Variants in CDYL observed in about 807,000 individuals in gnomAD.
CDYL encodes the protein chromodomain Y-like protein.
CDYL carries 8 observed loss-of-function variants against 47.3 expected under a neutral mutation model. That is an observed-to-expected ratio of 0.17 (90% confidence interval 0.10 to 0.31). CDYL has a LOEUF of 0.31. CDYL is among the 10% of genes least tolerant of loss of function. CDYL has a pLI of 1.00. For synonymous variants in CDYL, 266 were observed against 265.0 expected, an observed-to-expected ratio of 1.00 and a Z score of -0.04; for missense variants, 471 against 701.4, an observed-to-expected ratio of 0.67 and a Z score of 3.71.
intron 2 of CDYL, among the ~76,000 whole-genome samples, chr6:4,723,587 A>G (rs1398406918): frequency 6.6e-6 from 1 of 152,120 alleles, no homozygotes; most frequent in Non-Finnish European, 1.5e-5. Context: ...ACCCAGCAGG[A>G]GGCGGCAAGC....
intron 2 of CDYL, among the ~76,000 whole-genome samples, chr6:4,716,118 G>GCAC (rs1561819961): frequency 3.3e-5 from 5 of 151,948 alleles, no homozygotes; most frequent in Non-Finnish European, 7.4e-5. Context: ...GCGTGGTGTG[G>GCAC]GTGCCTGTAG....
chr6:4,779,739 T>C (rs550952999), intron 1 of CDYL, among the ~76,000 whole-genome samples: 15 of 152,340 alleles, frequency 9.8e-5, no homozygotes, highest in African/African-American at 3.4e-4. Flanking sequence ...AAGCGTCCTT[T>C]ACATCACGCT....
At position 4,761,084 on chromosome 6, in the gene CDYL, G is replaced by A. The variant is rs142110530; in HGVS notation, c.186+26240G>A. The stretch of plus-strand genomic sequence containing the variant: ...ACTCTCTTTTATAGAAATGTTCAAA[G>A]TAACTGTGGCAAAATTGTTTTTGCT... On this transcript the variant is annotated intron_variant, in intron 3 of 8. Transcript: ENST00000328908. Among the ~76,000 whole-genome samples, 1,432 of 152,242 alleles carry A rather than the reference G, an allele frequency of 9.4e-3. 12 individuals carry two copies. Among genetic ancestry groups the A allele is most frequent in the Non-Finnish European group, 0.014 (947 of 68,010 alleles).
chr6:4,717,838 G>A (rs1228288635), intron 2 of CDYL, among the ~76,000 whole-genome samples: 2 of 79,532 alleles, frequency 2.5e-5, no homozygotes, highest in South Asian at 7.7e-4. Flanking sequence ...CACCCTGTTA[G>A]ATTTTTTTTT....
chr6:4,769,074 A>C (rs1246222644), intron 3 of CDYL, among the ~76,000 whole-genome samples: 1 of 152,216 alleles, frequency 6.6e-6, no homozygotes, highest in Admixed American at 6.5e-5. Context: ...GAGAAGCGTA[A>C]GGAGACAGGA....
chr6:4,889,088 G>C (rs1194095454), intron 1 of CDYL, among the ~76,000 whole-genome samples: 1 of 152,154 alleles, frequency 6.6e-6, no homozygotes. Flanking sequence ...TGTCAGACTT[G>C]CATAATGTTT....
chr6:4,826,127 T>G (rs1759975429), intron 1 of CDYL, among the ~76,000 whole-genome samples: 1 of 152,238 alleles, frequency 6.6e-6, no homozygotes, highest in Admixed American at 6.5e-5. Flanking sequence ...GATCAGTTGT[T>G]TGTAGGATTA....
chr6:4,717,123 A>C (rs1757279635), intron 2 of CDYL, among the ~76,000 whole-genome samples: 1 of 152,110 alleles, frequency 6.6e-6, no homozygotes, highest in African/African-American at 2.4e-5. Flanking sequence ...AAGGGGTCCA[A>C]AGTCACTTGG....
intron 2 of CDYL, among the ~76,000 whole-genome samples, chr6:4,895,005 G>C (rs551195156): frequency 6.6e-6 from 1 of 150,874 alleles, no homozygotes; most frequent in East Asian, 2.0e-4. Flanking sequence ...TTGTGTGTAT[G>C]TTTATACATA....
At chr6:4,933,169 C>T (rs574067959) in intron 2 of CDYL, among the ~76,000 whole-genome samples, 3 of 152,358 alleles carry the variant, frequency 2.0e-5, no homozygotes, top group African/African-American at 7.2e-5. Context: ...TCAGCAGGCT[C>T]ACTCTCTGTC....
rs966921455 is a variant in CDYL at position 4,752,319 on chromosome 6, C to T, written c.186+17475C>T. ...AAGGGCAATGAGGGGGTTGTGAGTG[C>T]CTCCAAATAAAGGTCTTTTATAGCT... On this transcript the variant is annotated intron_variant, in intron 3 of 8. Coordinates refer to the CDYL transcript ENST00000328908. 2.0e-5 allele frequency among the ~76,000 whole-genome samples: 3 copies of T among 152,246 alleles called. No individual in the cohort carries two copies. In the East Asian group the frequency reaches 5.8e-4, roughly 29 times the overall value.
rs1758792864 is a variant in CDYL at position 4,954,016 on chromosome 6, C to T, written c.1595C>T (p.Ser532Phe). The T allele has an allele frequency of 1.2e-6, 2 of 1,613,858 alleles. No homozygotes were observed. The highest frequency in any genetic ancestry group is 1.7e-6 in the Non-Finnish European group (2 of 1,179,982). ...TGGGGCTCGGCCCAGGGGATGGACTCCATGTTAAAGTACTTGCAGAGGAAG... is the reference window on the plus strand; with the variant it reads ...TGGGGCTCGGCCCAGGGGATGGACTTCATGTTAAAGTACTTGCAGAGGAAG... ...KIWGSAQGMD[S>F]MLKYLQRKID... is the part of the protein sequence containing the mutation. Residue 532 changes from serine to phenylalanine, a missense_variant, in exon 7 of 7, where the codon TCC becomes TTC. By Grantham distance (155) the Ser-to-Phe change is radical. Around this residue, in one of 3 missense-constraint regions of CDYL, gnomAD observed 57 missense variants for 74.3 expected, o/e 0.77. Transcript: ENST00000397588.
chr6:4,851,284 G>A (rs2127463456), intron 1 of CDYL, among the ~76,000 whole-genome samples: 1 of 152,180 alleles, frequency 6.6e-6, no homozygotes. Context: ...GTTAATTGAT[G>A]GTAAAGACTT....
intron 1 of CDYL, among the ~76,000 whole-genome samples, chr6:4,712,424 G>A (rs1300343994): frequency 6.6e-6 from 1 of 152,234 alleles, no homozygotes; most frequent in East Asian, 1.9e-4. Flanking sequence ...GGCCAGCGGA[G>A]TGAGAAAGAC....
chr6:4,859,630 G>A (rs1265578434), intron 1 of CDYL, among the ~76,000 whole-genome samples: 1 of 152,182 alleles, frequency 6.6e-6, no homozygotes, highest in Non-Finnish European at 1.5e-5. Context: ...TGCTAGTTCT[G>A]CACACTTGCT....
intron 1 of CDYL, among the ~76,000 whole-genome samples, chr6:4,882,463 C>T (rs1761789831): frequency 6.6e-6 from 1 of 152,338 alleles, no homozygotes; most frequent in Admixed American, 6.5e-5. Flanking sequence ...AGGATGTCTT[C>T]ACCCTTTGGT....
At chr6:4,717,703 CAAAAAAAAAAAAA>C (rs200835710) in intron 2 of CDYL, among the ~76,000 whole-genome samples, 20 of 49,350 alleles carry the variant, frequency 4.1e-4, no homozygotes, top group East Asian at 5.4e-4. Flanking sequence ...AAGACCCTCA[CAAAAAAAAAAAAA>C]AAAAAAAAAA....
At chr6:4,943,131 G>A (rs1758409687) in intron 4 of CDYL, among the ~76,000 whole-genome samples, 1 of 152,188 alleles carries the variant, frequency 6.6e-6, no homozygotes, top group South Asian at 2.1e-4. Context: ...AGTATGCCCT[G>A]GGCCAGATTT....
chr6:4,749,257 AAAGTAGTTTTCG>A (rs1471009884), intron 3 of CDYL, among the ~76,000 whole-genome samples: 22 of 152,110 alleles, frequency 1.4e-4, no homozygotes, highest in Admixed American at 3.9e-4. Context: ...GCCTGGCACA[AAAGTAGTTTTCG>A]ATAGGGTTTT....
Sources: gnomAD v4.1 joint callset for allele counts (sites outside exome capture counted in the v4.1 genomes callset) on GRCh38, gnomAD v4.1.1 for gene constraint, gnomAD v4.1.1 regional missense constraint, MANE v1.5 for transcripts, NCBI Gene and HGNC (gene_info 2026-07-23, HGNC 2026-07-21) for gene names.